SPIN1: variants seen among roughly 807,000 people sequenced by gnomAD.
The protein encoded by SPIN1 is spindlin-1.
A neutral mutation model predicts 26.0 loss-of-function variants in SPIN1; 3 were observed. The observed-to-expected ratio is 0.12, with a 90% CI of 0.05 to 0.30. SPIN1 has a LOEUF of 0.30. Ranked by LOEUF, SPIN1 falls within the 10% of genes least tolerant of loss-of-function variation. The pLI, the probability that SPIN1 is intolerant of heterozygous loss-of-function variation, is 1.00. For synonymous variants in SPIN1, 101 were observed against 116.5 expected, an observed-to-expected ratio of 0.87 and a Z score of 0.86; for missense variants, 126 against 333.4, an observed-to-expected ratio of 0.38 and a Z score of 4.84.
At position 88,426,611 on chromosome 9, in the gene SPIN1, A is replaced by G; in HGVS notation, c.52+20A>G. On this transcript the variant is annotated intron_variant, in intron 2 of 5. Coordinates refer to ENST00000375859, the MANE Select transcript of SPIN1 (RefSeq NM_006717.3). ...ATGCAGGTAGGCATTGCGGTTCTAC[A>G]CATATTTAAATATATACTTTAATAT... 6.2e-7 allele frequency: 1 copy of G among 1,602,222 alleles called. No homozygotes were observed. The highest frequency in any genetic ancestry group is 8.5e-7 in the Non-Finnish European group (1 of 1,173,584).
At chr9:88,413,520 A>G (rs1827499932) in intron 1 of SPIN1, among the ~76,000 whole-genome samples, 1 of 151,340 alleles carries the variant, frequency 6.6e-6, no homozygotes, top group Non-Finnish European at 1.5e-5. Flanking sequence ...AGTAGCTGGG[A>G]CTACAGGTGC....
At chr9:88,474,786 A>G (rs1828856407) in intron 5 of SPIN1, among the ~76,000 whole-genome samples, 2 of 152,144 alleles carry the variant, frequency 1.3e-5, no homozygotes, top group Admixed American at 1.3e-4. Context: ...AAGTTTTATT[A>G]TTGGAACACA....
intron 1 of SPIN1, among the ~76,000 whole-genome samples, chr9:88,393,148 T>C (rs74401683): frequency 6.7e-5 from 10 of 149,326 alleles, no homozygotes; most frequent in East Asian, 1.9e-4. Flanking sequence ...TTTTTTTTTT[T>C]CCTGAAGGGA....
At chr9:88,461,308 C>G (rs1377439282) in intron 3 of SPIN1, among the ~76,000 whole-genome samples, 1 of 152,242 alleles carries the variant, frequency 6.6e-6, no homozygotes. Context: ...TCTGGCCTTA[C>G]AGTCTTGCAC....
intron 2 of SPIN1, among the ~76,000 whole-genome samples, chr9:88,444,732 C>G (rs955702532): frequency 7.0e-6 from 1 of 143,328 alleles, no homozygotes; most frequent in Non-Finnish European, 1.5e-5. Context: ...GCTCTGTCGC[C>G]CAGGCTGGAG....
At chr9:88,454,860 A>G (rs887845308) in intron 3 of SPIN1, among the ~76,000 whole-genome samples, 19 of 152,348 alleles carry the variant, frequency 1.2e-4, no homozygotes, top group African/African-American at 4.6e-4. Flanking sequence ...ACAACTGGAA[A>G]GCTGGACTCA....
At chr9:88,426,915 G>A (rs908506817) in intron 2 of SPIN1, among the ~76,000 whole-genome samples, 1 of 152,170 alleles carries the variant, frequency 6.6e-6, no homozygotes, top group South Asian at 2.1e-4. Context: ...TGGATTTAGT[G>A]AGATTTAGTG....
intron 2 of SPIN1, among the ~76,000 whole-genome samples, chr9:88,435,638 T>C (rs1051222579): frequency 6.6e-6 from 1 of 152,202 alleles, no homozygotes; most frequent in African/African-American, 2.4e-5. Flanking sequence ...CCTTCCTTTT[T>C]CTGATATTAC....
chr9:88,399,745 T>C (rs1233697369), intron 1 of SPIN1, among the ~76,000 whole-genome samples: 1 of 152,100 alleles, frequency 6.6e-6, no homozygotes, highest in Non-Finnish European at 1.5e-5. Context: ...GCCATGCAAG[T>C]TGGAAACATA....
At position 88,415,226 on chromosome 9, in the gene SPIN1, G is replaced by T. The variant is rs577328572; in HGVS notation, c.-158-11156G>T. Among the ~76,000 whole-genome samples the T allele has an allele frequency of 3.9e-5, 6 of 152,166 alleles. No individual in the cohort carries two copies. In the East Asian group the frequency reaches 1.2e-3, roughly 30 times the overall value. On this transcript the variant is annotated intron_variant, in intron 1 of 5. Coordinates refer to ENST00000375859, the MANE Select transcript of SPIN1 (RefSeq NM_006717.3). The stretch of plus-strand genomic sequence containing the variant: ...GCCTAATAATTTTTATATTGATAGA[G>T]AATTTGGGCTCTGAAGGCCTTCAGA...
intron 2 of SPIN1, among the ~76,000 whole-genome samples, chr9:88,431,575 C>T (rs1827872294): frequency 6.6e-6 from 1 of 152,198 alleles, no homozygotes; most frequent in Non-Finnish European, 1.5e-5. Context: ...CAGAAGTAGG[C>T]CACTGTGCCC....
At chr9:88,461,893 G>A (rs1282831358) in intron 3 of SPIN1, among the ~76,000 whole-genome samples, 2 of 152,164 alleles carry the variant, frequency 1.3e-5, no homozygotes, top group Non-Finnish European at 2.9e-5. Context: ...TCAGTTTTAA[G>A]ATTATATGTT....
intron 1 of SPIN1, chr9:88,391,769 C>T (rs948847088): frequency 1.3e-5 from 2 of 152,282 alleles, no homozygotes; most frequent in Admixed American, 1.3e-4. Context: ...TGGGGATTTT[C>T]TTCACTGAGC....
At chr9:88,433,377 C>G (rs1382315506) in intron 2 of SPIN1, among the ~76,000 whole-genome samples, 2 of 152,204 alleles carry the variant, frequency 1.3e-5, no homozygotes, top group African/African-American at 4.8e-5. Flanking sequence ...ACCAGTGTAC[C>G]TGCTTATAAA....
At chr9:88,418,405 T>G (rs1587785985) in intron 1 of SPIN1, among the ~76,000 whole-genome samples, 2 of 152,328 alleles carry the variant, frequency 1.3e-5, no homozygotes, top group South Asian at 4.1e-4. Flanking sequence ...TTTGTTTAGG[T>G]CTTGTTGCAT....
chr9:88,444,642 C>CT (rs1828206484), intron 2 of SPIN1, among the ~76,000 whole-genome samples: 2 of 149,852 alleles, frequency 1.3e-5, no homozygotes, highest in Admixed American at 1.3e-4. Flanking sequence ...ATGGTGGTCA[C>CT]TTTCATTTTT....
chr9:88,407,535 G>C (rs897119961), intron 1 of SPIN1, among the ~76,000 whole-genome samples: 2 of 151,770 alleles, frequency 1.3e-5, no homozygotes, highest in African/African-American at 4.8e-5. Context: ...TTGTGGTCAG[G>C]AGCAGTGGCT....
At chr9:88,434,957 C>T (rs1338711490) in intron 2 of SPIN1, among the ~76,000 whole-genome samples, 5 of 150,532 alleles carry the variant, frequency 3.3e-5, no homozygotes, top group East Asian at 2.0e-4. Flanking sequence ...GAGGCTGAGG[C>T]GGGAGAATTA....
rs1472110036 is a variant in SPIN1, at chr9:88,476,821, C to T, written c.*1544C>T. 6.6e-6 allele frequency: 1 copy of T among 152,126 alleles called. No homozygotes were observed. Among genetic ancestry groups the T allele is most frequent in the Non-Finnish European group, 1.5e-5 (1 of 68,026 alleles). The allele number at this position is 152,126 out of a possible 1,614,324, so 9.4% of individuals were successfully genotyped here. On this transcript the variant is annotated 3_prime_UTR_variant, in exon 6 of 6. Transcript: ENST00000375859. ...CTCTTGTGGAGATTGGAAATCCTCC[C>T]TGATATTTGGGCAGAGCCTAAACGT...
Sources: gnomAD v4.1 joint callset for allele counts (sites outside exome capture counted in the v4.1 genomes callset) on GRCh38, gnomAD v4.1.1 for gene constraint, MANE v1.5 for transcripts, NCBI Gene and HGNC (gene_info 2026-07-23, HGNC 2026-07-21) for gene names.